The following FBXO4 variants were observed in gnomAD, a reference collection of about 807,000 sequenced individuals.
FBXO4 encodes the protein F-box only protein 4.
FBXO4 carries 36 observed loss-of-function variants against 43.7 expected under a neutral mutation model. The ratio of observed to expected loss-of-function variants is 0.82; its 90% CI spans 0.63 to 1.09. The LOEUF is 1.09. FBXO4 is among the 50% of genes least tolerant of loss of function. FBXO4 has a pLI of 0.00. For missense variants in FBXO4, 435 were observed against 474.1 expected, an observed-to-expected ratio of 0.92 and a Z score of 0.77; for synonymous variants, 180 against 165.6, an observed-to-expected ratio of 1.09 and a Z score of -0.67.
At chr5:41,959,580 A>G in the FBXO4 span, among the ~76,000 whole-genome samples, 2 of 152,014 alleles carry the variant, frequency 1.3e-5, no homozygotes, top group Non-Finnish European at 2.9e-5. Flanking sequence ...ACGATGGTCT[A>G]TTTTCATTTT....
the FBXO4 span, among the ~76,000 whole-genome samples, chr5:42,029,831 A>G: frequency 6.6e-6 from 1 of 151,828 alleles, no homozygotes; most frequent in Non-Finnish European, 1.5e-5. Context: ...CTCTTTGTTA[A>G]ATTTATCCAA....
At chr5:42,005,784 T>C in the FBXO4 span, among the ~76,000 whole-genome samples, 18 of 152,238 alleles carry the variant, frequency 1.2e-4, 1 homozygote, top group African/African-American at 4.3e-4. Flanking sequence ...TAAACTCATT[T>C]CTATTTAAAA....
the FBXO4 span, among the ~76,000 whole-genome samples, chr5:41,999,530 T>G: frequency 7.8e-5 from 8 of 102,164 alleles, no homozygotes; most frequent in African/African-American, 4.2e-4. Context: ...TATACATATA[T>G]ATATACATAT....
At chr5:41,951,535 C>A in the FBXO4 span, 1 of 260,388 alleles carries the variant, frequency 3.8e-6, no homozygotes, top group South Asian at 4.6e-5. Context: ...CCTCCTTGGT[C>A]ACAGCTTTTT....
At chr5:41,930,215 A>G (rs1751641703) in intron 3 of FBXO4, 1 of 268,094 alleles carries the variant, frequency 3.7e-6, no homozygotes, top group South Asian at 9.9e-5. Context: ...TGTTTGAAAA[A>G]GCAGAAAAAA....
At chr5:42,017,429 T>TA in the FBXO4 span, among the ~76,000 whole-genome samples, 2 of 148,400 alleles carry the variant, frequency 1.3e-5, no homozygotes, top group African/African-American at 5.2e-5. Context: ...TCAAAAAATT[T>TA]CTTTTTTTTT....
At chr5:41,951,425 C>T in the FBXO4 span, 1 of 232,360 alleles carries the variant, frequency 4.3e-6, no homozygotes, top group African/African-American at 2.3e-5. Flanking sequence ...TGAATAGGCA[C>T]AAAGCACACA....
the FBXO4 span, among the ~76,000 whole-genome samples, chr5:41,981,393 A>G: frequency 3.3e-4 from 50 of 151,614 alleles, no homozygotes; most frequent in Non-Finnish European, 5.0e-4. Context: ...TTTTTTTTAA[A>G]TGGTAAATTA....
chr5:42,021,138 A>G, the FBXO4 span, among the ~76,000 whole-genome samples: 2 of 152,160 alleles, frequency 1.3e-5, no homozygotes, highest in Non-Finnish European at 2.9e-5. Context: ...GGATCTGATA[A>G]CATTTTAAAG....
At chr5:41,937,799 A>T (rs1231113064) in intron 5 of FBXO4, among the ~76,000 whole-genome samples, 1 of 152,252 alleles carries the variant, frequency 6.6e-6, no homozygotes, top group Non-Finnish European at 1.5e-5. Context: ...CAAACATTGC[A>T]TTCTCACATG....
the FBXO4 span, among the ~76,000 whole-genome samples, chr5:42,015,291 T>C: frequency 3.9e-5 from 6 of 152,372 alleles, no homozygotes; most frequent in Non-Finnish European, 5.9e-5. Context: ...TGAGTGTGTG[T>C]GTGCACACGC....
At chr5:41,939,727 T>A in intron 6 of FBXO4, 111 bp downstream of exon 6, 1 of 837,400 alleles carries the variant, frequency 1.2e-6, no homozygotes, top group East Asian at 2.7e-5. Flanking sequence ...TAAAGTCAAT[T>A]TTAATAGCTT....
chr5:41,939,269 AT>A, intron 5 of FBXO4, 171 bp from the exon 6 acceptor site: 1 of 510,122 alleles, frequency 2.0e-6, no homozygotes, highest in Non-Finnish European at 3.4e-6. Context: ...TGTATCAAGC[AT>A]TTTTGCTTTT....
chr5:42,030,673 C>G, the FBXO4 span, among the ~76,000 whole-genome samples: 1 of 151,456 alleles, frequency 6.6e-6, no homozygotes, highest in Non-Finnish European at 1.5e-5. Flanking sequence ...AACAGGCAAC[C>G]TACAAAATGG....
the FBXO4 span, among the ~76,000 whole-genome samples, chr5:41,997,789 A>G: frequency 6.6e-6 from 1 of 152,178 alleles, no homozygotes; most frequent in Non-Finnish European, 1.5e-5. Context: ...CTCTGGTAAA[A>G]GGCTGGGAGG....
At chr5:42,031,256 C>T in the FBXO4 span, among the ~76,000 whole-genome samples, 1 of 152,116 alleles carries the variant, frequency 6.6e-6, no homozygotes, top group Non-Finnish European at 1.5e-5. Context: ...GGCACATATA[C>T]ACCATGGAAT....
intron 5 of FBXO4, among the ~76,000 whole-genome samples, chr5:41,935,727 A>C (rs1751831952): frequency 6.6e-6 from 1 of 152,218 alleles, no homozygotes; most frequent in Admixed American, 6.5e-5. Flanking sequence ...AAAACTGAGA[A>C]ATCTCCATGT....
chr5:42,019,804 C>T, the FBXO4 span, among the ~76,000 whole-genome samples: 4 of 151,722 alleles, frequency 2.6e-5, no homozygotes, highest in African/African-American at 9.7e-5. Context: ...TTTTTTTCTA[C>T]CTAGTGTTCT....
chr5:42,018,376 G>A, the FBXO4 span, among the ~76,000 whole-genome samples: 3 of 151,782 alleles, frequency 2.0e-5, no homozygotes, highest in Non-Finnish European at 2.9e-5. Flanking sequence ...CTACAAACAA[G>A]TGCAAAAATG....
Sources: allele counts gnomAD v4.1 joint callset (sites outside exome capture counted in the v4.1 genomes callset), GRCh38; gene constraint gnomAD v4.1.1; transcripts MANE v1.5; gene names NCBI Gene and HGNC (gene_info 2026-07-23, HGNC 2026-07-21).